SOX6: variants seen among roughly 807,000 people sequenced by gnomAD.
SOX6 encodes the protein transcription factor SOX-6.
Under a neutral mutation model 97.8 loss-of-function variants are expected in SOX6, and 11 were observed. The observed-to-expected ratio is 0.11, with a 90% CI of 0.07 to 0.19. The LOEUF (loss-of-function observed/expected upper bound fraction) is 0.19, where lower values mean the gene tolerates loss of function less well. Among genes scored for constraint, SOX6 ranks in the 10% least tolerant of loss-of-function variants. The pLI, the probability that SOX6 is intolerant of heterozygous loss-of-function variation, is 1.00. For synonymous variants in SOX6, 360 were observed against 371.4 expected, an observed-to-expected ratio of 0.97 and a Z score of 0.35; for missense variants, 810 against 1,039.5, an observed-to-expected ratio of 0.78 and a Z score of 3.04.
chr11:16,310,208 C>T (rs1234276516), intron 3 of SOX6, among the ~76,000 whole-genome samples: 1 of 151,920 alleles, frequency 6.6e-6, no homozygotes, highest in Non-Finnish European at 1.5e-5. Flanking sequence ...GGTTGCAAAA[C>T]ATATAGCAAA....
In SOX6 at chr11:16,607,952, A is replaced by G. The variant is rs1355313711; in HGVS notation, n.609+4129T>C. Among the ~76,000 whole-genome samples, 1 of 151,970 alleles carries G rather than the reference A, an allele frequency of 6.6e-6. No homozygotes were observed. Among genetic ancestry groups the G allele is most frequent in the East Asian group, 1.9e-4 (1 of 5,178 alleles). Reference sequence around the variant, plus strand: ...CAAGAGAGAGCCGCAAAGAGAGAGGAGGGCAGAGACATCGGCGAGACCAGA... The same window carrying G: ...CAAGAGAGAGCCGCAAAGAGAGAGGGGGGCAGAGACATCGGCGAGACCAGA... On this transcript the variant is annotated intron_variant and non_coding_transcript_variant, in intron 4 of 5. Transcript: ENST00000524520. This position sits in a 1 kb window ranked among gnomAD's most constrained non-coding sequence, Gnocchi z 6.5.
intron 14 of SOX6, among the ~76,000 whole-genome samples, chr11:15,986,790 GA>G (rs1853856404): frequency 6.6e-6 from 1 of 152,172 alleles, no homozygotes; most frequent in African/African-American, 2.4e-5. Flanking sequence ...GGATTCTCAG[GA>G]AAAGCTTTGT....
chr11:16,021,449 T>G (rs866106047), intron 12 of SOX6, among the ~76,000 whole-genome samples: 2 of 152,186 alleles, frequency 1.3e-5, no homozygotes, highest in South Asian at 2.1e-4. Flanking sequence ...TCCTTTATTA[T>G]GCATTTAGTA....
At chr11:16,450,481 A>T (rs1394984985) in intron 1 of SOX6, among the ~76,000 whole-genome samples, 3 of 152,238 alleles carry the variant, frequency 2.0e-5, no homozygotes, top group Non-Finnish European at 4.4e-5. Flanking sequence ...TCTGAATATA[A>T]GTGATTTGGA....
At chr11:16,485,202 C>G (rs980018554) in intron 4 of SOX6, among the ~76,000 whole-genome samples, 3 of 152,174 alleles carry the variant, frequency 2.0e-5, no homozygotes, top group African/African-American at 4.8e-5. Flanking sequence ...ACTGCCAACA[C>G]TTTACTGCTC....
chr11:16,223,806 A>C (rs1852610890), intron 4 of SOX6, among the ~76,000 whole-genome samples: 1 of 152,096 alleles, frequency 6.6e-6, no homozygotes, highest in African/African-American at 2.4e-5. Context: ...CATTTTACTT[A>C]AAATCTAGGC....
At chr11:16,139,152 C>T (rs900344800) in intron 6 of SOX6, among the ~76,000 whole-genome samples, 2 of 152,150 alleles carry the variant, frequency 1.3e-5, no homozygotes, top group African/African-American at 2.4e-5. Context: ...GTTAATGTCG[C>T]CTGAGTAATA....
intron 1 of SOX6, among the ~76,000 whole-genome samples, chr11:16,346,300 A>T (rs1303963195): frequency 6.6e-6 from 1 of 152,016 alleles, no homozygotes. Context: ...CAAAATGCAC[A>T]ATACCCAGGA....
chr11:16,134,715 A>C (rs1182206108), intron 6 of SOX6, among the ~76,000 whole-genome samples: 2 of 152,196 alleles, frequency 1.3e-5, no homozygotes, highest in African/African-American at 4.8e-5. Flanking sequence ...ACACCAGTGC[A>C]AGAGAGTAAA....
chr11:16,127,218 TAAC>T (rs113148844), intron 6 of SOX6, among the ~76,000 whole-genome samples: 12,290 of 151,988 alleles, frequency 0.081, 1,028 homozygotes, highest in East Asian at 0.37. Flanking sequence ...GAGAGATTTT[TAAC>T]AACAACAACG....
At chr11:16,103,234 A>G (rs1848993981) in intron 7 of SOX6, among the ~76,000 whole-genome samples, 1 of 152,024 alleles carries the variant, frequency 6.6e-6, no homozygotes, top group African/African-American at 2.4e-5. Context: ...ACAATTTTCA[A>G]AGGAAGATAC....
chr11:16,130,621 A>C (rs1362719766), intron 6 of SOX6, among the ~76,000 whole-genome samples: 1 of 151,996 alleles, frequency 6.6e-6, no homozygotes, highest in African/African-American at 2.4e-5. Flanking sequence ...TTCCAGCAGG[A>C]CATTTTGAAT....
At chr11:16,524,846 C>T (rs999057338) in intron 4 of SOX6, among the ~76,000 whole-genome samples, 26 of 152,132 alleles carry the variant, frequency 1.7e-4, no homozygotes, top group African/African-American at 5.6e-4. Flanking sequence ...AACAGACAAA[C>T]AGAGAGCCAT....
At chr11:16,722,425 G>A (rs1287849887) in intron 2 of SOX6, among the ~76,000 whole-genome samples, 1 of 152,200 alleles carries the variant, frequency 6.6e-6, no homozygotes, top group Non-Finnish European at 1.5e-5. Context: ...GCCGAGGCAG[G>A]CGGATCATTT....
chr11:16,483,652 G>A (rs977291145), intron 4 of SOX6, among the ~76,000 whole-genome samples: 1 of 150,344 alleles, frequency 6.7e-6, no homozygotes, highest in Admixed American at 6.6e-5. Flanking sequence ...GAGTGACACA[G>A]GCTATACTAC....
chr11:16,670,514 G>A (rs1157317983), intron 3 of SOX6, among the ~76,000 whole-genome samples: 1 of 152,114 alleles, frequency 6.6e-6, no homozygotes, highest in Non-Finnish European at 1.5e-5. Flanking sequence ...TGGGCTTAAC[G>A]AAGGAGCAAA....
At chr11:16,194,195 G>T (rs1288053644) in intron 4 of SOX6, among the ~76,000 whole-genome samples, 3 of 152,152 alleles carry the variant, frequency 2.0e-5, no homozygotes, top group East Asian at 3.9e-4. Flanking sequence ...AGTTTTAAAA[G>T]CTTTCCACAC....
Position 16,613,658 on chromosome 11 carries a change from C to G in SOX6, n.430-1398G>C, listed in dbSNP as rs1012889877. Reference sequence around the variant, plus strand: ...ACACACGCACGCACACACACAGACACGCGCGTATTCTGAAATTCTGGCCGA... The same window carrying G: ...ACACACGCACGCACACACACAGACAGGCGCGTATTCTGAAATTCTGGCCGA... On this transcript the variant is annotated intron_variant and non_coding_transcript_variant, in intron 3 of 5. Transcript: ENST00000524520. The surrounding 1 kb of genome is among the most constrained non-coding windows in gnomAD (Gnocchi z 4.6). Among the ~76,000 whole-genome samples, 2 of 152,158 alleles carry G rather than the reference C, an allele frequency of 1.3e-5. No homozygotes were observed. Among genetic ancestry groups the G allele is most frequent in the Non-Finnish European group, 2.9e-5 (2 of 68,016 alleles).
chr11:15,998,117 A>T (rs1160502130), intron 13 of SOX6, among the ~76,000 whole-genome samples: 3 of 151,304 alleles, frequency 2.0e-5, no homozygotes, highest in Non-Finnish European at 4.4e-5. Flanking sequence ...AAAATAAAAT[A>T]AAAAATAAAA....
Sources: gnomAD v4.1 joint callset for allele counts (sites outside exome capture counted in the v4.1 genomes callset) on GRCh38, gnomAD v4.1.1 for gene constraint, Gnocchi (gnomAD v3.1) non-coding constraint, MANE v1.5 for transcripts, NCBI Gene and HGNC (gene_info 2026-07-23, HGNC 2026-07-21) for gene names.